ALK: variants seen among roughly 807,000 people sequenced by gnomAD.
The protein encoded by ALK is ALK tyrosine kinase receptor.
Under a neutral mutation model 163.1 loss-of-function variants are expected in ALK, and 74 were observed. That is an observed-to-expected ratio of 0.45 (90% confidence interval 0.38 to 0.55). ALK has a LOEUF of 0.55. ALK is among the 20% of genes least tolerant of loss of function. The probability of loss-of-function intolerance (pLI) is 0.00; values close to 1 mark genes in which losing one functional copy is unlikely to be tolerated. For missense variants in ALK, 2,063 were observed against 2,105.3 expected (o/e 0.98, Z 0.39); for synonymous variants, 960 against 843.2 (o/e 1.14, Z -2.40).
At chr2:29,806,279 G>A (rs1664612486) in intron 1 of ALK, among the ~76,000 whole-genome samples, 1 of 152,154 alleles carries the variant, frequency 6.6e-6, no homozygotes, top group Non-Finnish European at 1.5e-5. Flanking sequence ...TCAGTGGGGA[G>A]AGGTGTGGGA....
In ALK at chr2:29,383,779, C is replaced by A. The variant is rs1388736375; in HGVS notation, c.1235G>T (p.Arg412Leu). Reference sequence around the variant, plus strand: ...AAAGAAGTCCACTGCAGACAAGCTGCGGTTTCCACTGGAGATGTATTCCAG... The same window carrying A: ...AAAGAAGTCCACTGCAGACAAGCTGAGGTTTCCACTGGAGATGTATTCCAG... The part of the protein sequence containing the change: ...VALEYISSGN[R>L]SLSAVDFFAL... The change falls in exon 5 of 29, where the codon CGC becomes CTC. Residue 412 changes from arginine (R) to leucine (L), a missense_variant. Physicochemically the swap from Arg to Leu is moderately radical, Grantham distance 102. Transcript: ENST00000389048. 3 of 1,614,012 alleles carry A rather than the reference C, an allele frequency of 1.9e-6. No homozygotes were observed. In the African/African-American group the frequency reaches 4.0e-5, roughly 22 times the overall value.
At chr2:29,645,056 C>T (rs1243345004) in intron 3 of ALK, among the ~76,000 whole-genome samples, 3 of 152,126 alleles carry the variant, frequency 2.0e-5, no homozygotes, top group Non-Finnish European at 2.9e-5. Context: ...CCAGAAAGAT[C>T]CAGGTCCAAT....
At chr2:29,418,496 T>C (rs1669936423) in intron 4 of ALK, among the ~76,000 whole-genome samples, 1 of 152,232 alleles carries the variant, frequency 6.6e-6, no homozygotes, top group Non-Finnish European at 1.5e-5. Flanking sequence ...TACATGCATA[T>C]ATTAAGACTG....
intron 4 of ALK, among the ~76,000 whole-genome samples, chr2:29,528,856 C>A (rs537070219): frequency 1.2e-4 from 19 of 152,178 alleles, no homozygotes; most frequent in Non-Finnish European, 2.8e-4. Flanking sequence ...CGGGCCTAGG[C>A]TGTTTGGTAG....
chr2:29,211,867 G>T lies in ALK; in HGVS notation c.3744-1989C>A, dbSNP rs537448205. On this transcript the variant is annotated intron_variant, in intron 24 of 28. Coordinates refer to ENST00000389048, the MANE Select transcript of ALK (RefSeq NM_004304.5). ...TGACAATTTAATTTCTTAAAAAGGA[G>T]AAAAGAGCAATAAATGATTACTCTG... 2.6e-5 allele frequency among the ~76,000 whole-genome samples: 4 copies of T among 152,340 alleles called. No homozygotes were observed. The East Asian group carries it at 5.8e-4, about 22-fold the overall frequency.
chr2:29,297,181 G>T, intron 8 of ALK, 124 bp from the exon 9 acceptor site: 2 of 1,059,708 alleles, frequency 1.9e-6, no homozygotes, highest in Non-Finnish European at 2.8e-6. Context: ...GGTGAGAAGA[G>T]CTGGATGCCC....
At chr2:29,564,369 T>A (rs1674114635) in intron 3 of ALK, among the ~76,000 whole-genome samples, 1 of 152,150 alleles carries the variant, frequency 6.6e-6, no homozygotes, top group African/African-American at 2.4e-5. Flanking sequence ...CACTGTCAAA[T>A]GGATCTTCCA....
chr2:29,740,687 T>C (rs1007897938), intron 1 of ALK, among the ~76,000 whole-genome samples: 1 of 152,168 alleles, frequency 6.6e-6, no homozygotes, highest in Non-Finnish European at 1.5e-5. Context: ...GATAATGAGA[T>C]ATCATTCAGC....
At chr2:29,269,263 T>C (rs1665315981) in intron 11 of ALK, among the ~76,000 whole-genome samples, 1 of 152,180 alleles carries the variant, frequency 6.6e-6, no homozygotes, top group African/African-American at 2.4e-5. Flanking sequence ...TGCTGATGGG[T>C]GCTTGGCCTT....
chr2:29,813,970 C>G (rs556130239), intron 1 of ALK, among the ~76,000 whole-genome samples: 1 of 152,188 alleles, frequency 6.6e-6, no homozygotes, highest in Non-Finnish European at 1.5e-5. Flanking sequence ...TCAGTAACAT[C>G]CGAGAGGCTA....
chr2:29,418,243 C>G (rs551964976), intron 4 of ALK, among the ~76,000 whole-genome samples: 1 of 152,170 alleles, frequency 6.6e-6, no homozygotes. Flanking sequence ...TTTACATGCT[C>G]TGTCTGGTGT....
At chr2:29,430,153 G>GATAT (rs1273576644) in intron 4 of ALK, among the ~76,000 whole-genome samples, 3 of 152,004 alleles carry the variant, frequency 2.0e-5, no homozygotes, top group Non-Finnish European at 4.4e-5. Flanking sequence ...TGGATTCTTA[G>GATAT]ATATAACACA....
At position 29,754,552 on chromosome 2, in the gene ALK, T is replaced by A. The variant is rs182348194; in HGVS notation, c.668-36855A>T. Among the ~76,000 whole-genome samples, 3 of 152,134 alleles carry A rather than the reference T, an allele frequency of 2.0e-5. No individual in the cohort carries two copies. In the East Asian group the frequency reaches 5.8e-4, roughly 29 times the overall value. On this transcript the variant is annotated intron_variant, in intron 1 of 28. Coordinates refer to ENST00000389048, the MANE Select transcript of ALK (RefSeq NM_004304.5). ...AAGAAATTAAAAAATTAATCAGATG[T>A]GGTGGTGCATGCCTGTGGTCCCAGC...
At chr2:29,439,970 G>A (rs565165569) in intron 4 of ALK, among the ~76,000 whole-genome samples, 3 of 152,190 alleles carry the variant, frequency 2.0e-5, no homozygotes, top group African/African-American at 7.2e-5. Context: ...GGTGGCTCAC[G>A]CCTGTAATCC....
At chr2:29,492,937 G>A (rs779508560) in intron 4 of ALK, among the ~76,000 whole-genome samples, 6 of 152,200 alleles carry the variant, frequency 3.9e-5, no homozygotes, top group Non-Finnish European at 8.8e-5. Context: ...AAAAGCCACT[G>A]TGGGTAAACT....
intron 4 of ALK, among the ~76,000 whole-genome samples, chr2:29,497,470 T>C (rs770267821): frequency 6.6e-6 from 1 of 152,122 alleles, no homozygotes; most frequent in Non-Finnish European, 1.5e-5. Context: ...TGGTGCTTGC[T>C]ACTGAGTGCA....
At chr2:29,640,060 CTCAG>C (rs1472366450) in intron 3 of ALK, among the ~76,000 whole-genome samples, 1 of 152,180 alleles carries the variant, frequency 6.6e-6, no homozygotes, top group Non-Finnish European at 1.5e-5. Context: ...GAAGAAGAAG[CTCAG>C]CACCTAATGC....
At chr2:29,211,999 C>CA (rs1306751005) in intron 24 of ALK, among the ~76,000 whole-genome samples, 1 of 152,146 alleles carries the variant, frequency 6.6e-6, no homozygotes, top group Non-Finnish European at 1.5e-5. Context: ...TGGGTATCAT[C>CA]AAAATGTCTT....
rs1277656913 is a variant in ALK at position 29,193,143 on chromosome 2, T to C, written c.*81A>G. 2.1e-6 allele frequency: 3 copies of C among 1,440,716 alleles called. No homozygotes were observed. The highest frequency in any genetic ancestry group is 1.2e-5 in the South Asian group (1 of 84,010). 89.2% of individuals were successfully genotyped at this position (1,440,716 alleles called of 1,614,324 possible). On this transcript the variant is annotated 3_prime_UTR_variant, in exon 29 of 29. Coordinates refer to ENST00000389048, the MANE Select transcript of ALK (RefSeq NM_004304.5). ...AAAACAAAACGTGACATTTGGTCTC[T>C]GGTTTGTGAAGGAGCCATTGCCTCT...
Sources: gnomAD v4.1 joint callset for allele counts (sites outside exome capture counted in the v4.1 genomes callset) on GRCh38, gnomAD v4.1.1 for gene constraint, MANE v1.5 for transcripts, NCBI Gene and HGNC (gene_info 2026-07-23, HGNC 2026-07-21) for gene names.